The following SMARCA2 variants were observed in gnomAD, a reference collection of about 807,000 sequenced individuals.
The protein encoded by SMARCA2 is SWI/SNF-related matrix-associated actin-dependent regulator of chromatin subfamily A member 2.
A neutral mutation model predicts 199.8 loss-of-function variants in SMARCA2; 61 were observed. The observed-to-expected ratio is 0.31, with a 90% confidence interval of 0.25 to 0.38. The LOEUF (loss-of-function observed/expected upper bound fraction) is 0.38. Ranked by LOEUF, SMARCA2 falls within the 10% of genes least tolerant of loss-of-function variation. The pLI, the probability that SMARCA2 is intolerant of heterozygous loss-of-function variation, is 1.00. For synonymous variants in SMARCA2, 935 were observed against 732.0 expected, an observed-to-expected ratio of 1.28 and a Z score of -4.48; for missense variants, 1,344 against 2,012.2, an observed-to-expected ratio of 0.67 and a Z score of 6.35.
chr9:2,170,379 C>A lies in SMARCA2; in HGVS notation c.4200-40C>A. 1 of 1,613,510 alleles carries A rather than the reference C, an allele frequency of 6.2e-7. No homozygotes were observed. Among genetic ancestry groups the A allele is most frequent in the Non-Finnish European group, 8.5e-7 (1 of 1,179,642 alleles). Reference sequence around the variant, plus strand: ...AAGGAGCCGGGCGGGGACGAGAACCCAGGTCTTCTGACTCTAGTGTTCTTT... The same window carrying A: ...AAGGAGCCGGGCGGGGACGAGAACCAAGGTCTTCTGACTCTAGTGTTCTTT... On this transcript the variant is annotated intron_variant, in intron 28 of 33. Transcript: ENST00000349721. This position sits in a 1 kb window ranked among gnomAD's most constrained non-coding sequence, Gnocchi z 4.7.
intron 28 of SMARCA2, among the ~76,000 whole-genome samples, chr9:2,168,208 G>A (rs1232885023): frequency 2.0e-5 from 3 of 151,796 alleles, no homozygotes; most frequent in African/African-American, 4.8e-5. Context: ...ACAGGGTTTT[G>A]CCATGTTGGT....
At chr9:2,112,911 A>G (rs1045933314) in intron 24 of SMARCA2, among the ~76,000 whole-genome samples, 1 of 152,164 alleles carries the variant, frequency 6.6e-6, no homozygotes, top group Non-Finnish European at 1.5e-5. Flanking sequence ...TCTTCTACAT[A>G]AGGAAACCAG....
chr9:2,097,313 C>G lies in SMARCA2; in HGVS notation c.2992-72C>G, dbSNP rs941431081. On this transcript the variant is annotated intron_variant, in intron 20 of 33. Coordinates refer to ENST00000349721, the MANE Select transcript of SMARCA2 (RefSeq NM_003070.5). ...GTCCTTTGTCCTTTGTATAAGAAGC[C>G]CAGTGTGAAGGATCTGAAATGTCTG... 1.2e-5 allele frequency: 11 copies of G among 950,916 alleles called. No homozygotes were observed. The African/African-American group carries it at 1.8e-4, about 15-fold the overall frequency. 58.9% of individuals were successfully genotyped at this position (950,916 alleles called of 1,614,324 possible).
chr9:2,145,213 G>C (rs1824675074), intron 27 of SMARCA2, among the ~76,000 whole-genome samples: 1 of 150,116 alleles, frequency 6.7e-6, no homozygotes, highest in Non-Finnish European at 1.5e-5. Context: ...TGAGGCAAGA[G>C]AATCATCCAA....
At chr9:2,105,191 G>C (rs1822697676) in intron 23 of SMARCA2, among the ~76,000 whole-genome samples, 1 of 151,618 alleles carries the variant, frequency 6.6e-6, no homozygotes, top group Non-Finnish European at 1.5e-5. Flanking sequence ...TTAGGGTATT[G>C]TTAATTAATT....
At position 2,156,414 on chromosome 9, in the gene SMARCA2, C is replaced by CTTTTTTTTTTTT. The variant is rs57161267; in HGVS notation, c.3982-5251_3982-5240dup. Among the ~76,000 whole-genome samples, 16 of 69,146 alleles carry CTTTTTTTTTTTT rather than the reference C, an allele frequency of 2.3e-4. 1 individual carries two copies. The highest frequency in any genetic ancestry group is 5.6e-4 in the African/African-American group (8 of 14,304). The allele number at this position is 69,146 out of a possible 152,430, so 45.4% of individuals were successfully genotyped here. Reference sequence around the variant, plus strand: ...ATACCATAAAGTTTACCATTTTAGACTTTTTTTTTTTTTTTTTTTTTTTTT... The same window carrying CTTTTTTTTTTTT: ...ATACCATAAAGTTTACCATTTTAGACTTTTTTTTTTTTTTTTTTTTTTTTTTTTTTTTTTTTT... On this transcript the variant is annotated intron_variant, in intron 27 of 33. Coordinates refer to ENST00000349721, the MANE Select transcript of SMARCA2 (RefSeq NM_003070.5).
At chr9:2,113,588 T>G (rs1258298212) in intron 24 of SMARCA2, among the ~76,000 whole-genome samples, 1 of 152,226 alleles carries the variant, frequency 6.6e-6, no homozygotes, top group Non-Finnish European at 1.5e-5. Flanking sequence ...TTCGTTAAAC[T>G]TCTCCAGTCT....
chr9:2,159,924 T>G (rs1252255403), intron 27 of SMARCA2: 1 of 1,604,210 alleles, frequency 6.2e-7, no homozygotes, highest in Non-Finnish European at 8.5e-7. Context: ...ATATCCTTTT[T>G]CGTTGCCGTC....
At chr9:2,085,575 A>C (rs1378981033) in intron 17 of SMARCA2, among the ~76,000 whole-genome samples, 2 of 152,126 alleles carry the variant, frequency 1.3e-5, no homozygotes, top group Admixed American at 1.3e-4. Flanking sequence ...AGTCTGAGGC[A>C]GTTGATTGTA....
intron 29 of SMARCA2, among the ~76,000 whole-genome samples, chr9:2,176,186 T>TTTTTTTTTTTTTG (rs1826586310): frequency 7.7e-6 from 1 of 129,264 alleles, no homozygotes; most frequent in African/African-American, 4.0e-5. Context: ...CGGCCTGTTT[T>TTTTTTTTTTTTTG]TTTTTTTTTT....
intron 4 of SMARCA2, chr9:2,040,976 G>T (rs542297685): frequency 5.8e-6 from 1 of 171,052 alleles, no homozygotes; most frequent in African/African-American, 2.4e-5. Context: ...AGGGAATGAG[G>T]TACTTCCTTG....
chr9:2,143,215 G>T (rs1824549985), intron 27 of SMARCA2, among the ~76,000 whole-genome samples: 1 of 152,156 alleles, frequency 6.6e-6, no homozygotes, highest in African/African-American at 2.4e-5. Flanking sequence ...TCCAGGCCAA[G>T]GGAAGTATAC....
chr9:2,185,145 G>A (rs761253553), intron 31 of SMARCA2, among the ~76,000 whole-genome samples: 28 of 151,932 alleles, frequency 1.8e-4, no homozygotes, highest in Non-Finnish European at 3.1e-4. Flanking sequence ...TTAATCTTGC[G>A]ACTCTGAAAC....
At chr9:2,180,505 C>G (rs746541142) in intron 29 of SMARCA2, among the ~76,000 whole-genome samples, 1 of 152,170 alleles carries the variant, frequency 6.6e-6, no homozygotes. Flanking sequence ...TCACAAGCTC[C>G]TAGAATCACC....
At chr9:2,018,530 C>A (rs963538472) in intron 1 of SMARCA2, among the ~76,000 whole-genome samples, 10 of 152,240 alleles carry the variant, frequency 6.6e-5, no homozygotes, top group African/African-American at 2.2e-4. Flanking sequence ...TAAGGATACA[C>A]AGTTTGTTGA....
At chr9:2,091,928 A>G (rs1377723059) in intron 19 of SMARCA2, among the ~76,000 whole-genome samples, 3 of 152,204 alleles carry the variant, frequency 2.0e-5, no homozygotes, top group African/African-American at 7.2e-5. Context: ...TTGTAAATGC[A>G]GGTCAACCGC....
Position 2,104,222 on chromosome 9 carries a change from T to A in SMARCA2, c.3292+53T>A, listed in dbSNP as rs191233014. The A allele has an allele frequency of 4.7e-6, 7 of 1,497,518 alleles. No homozygotes were observed. In the East Asian group the frequency reaches 1.6e-4, roughly 34 times the overall value. The allele number at this position is 1,497,518 out of a possible 1,614,324, so 92.8% of individuals were successfully genotyped here. A position where few individuals can be genotyped will look rare whatever the true frequency, so the allele number is the denominator to read the frequency against. On this transcript the variant is annotated intron_variant, in intron 23 of 33. Transcript: ENST00000349721. The surrounding 1 kb of genome is among the most constrained non-coding windows in gnomAD (Gnocchi z 4.0). ...AGCCATACTACTGAAAATGAAGGGA[T>A]AATGGGCACTTAGGTCCAATCTCAG...
intron 12 of SMARCA2, among the ~76,000 whole-genome samples, chr9:2,074,065 G>A (rs1350522648): frequency 2.0e-5 from 3 of 152,102 alleles, no homozygotes; most frequent in Non-Finnish European, 4.4e-5. Context: ...GACAAAAAGG[G>A]CAACGTGGGC....
intron 1 of SMARCA2, chr9:2,027,761 G>A (rs950420044): frequency 6.6e-6 from 1 of 152,212 alleles, no homozygotes; most frequent in Non-Finnish European, 1.5e-5. Context: ...TTCCATCTCT[G>A]CCACTAAACA....
Sources: gnomAD v4.1 joint callset for allele counts (sites outside exome capture counted in the v4.1 genomes callset) on GRCh38, gnomAD v4.1.1 for gene constraint, Gnocchi (gnomAD v3.1) non-coding constraint, MANE v1.5 for transcripts, NCBI Gene and HGNC (gene_info 2026-07-23, HGNC 2026-07-21) for gene names.